The following CACNA1I variants were observed in gnomAD, a reference collection of about 807,000 sequenced individuals.
CACNA1I encodes calcium voltage-gated channel subunit alpha1 I.
In CACNA1I, 74 loss-of-function variants were observed where a neutral mutation model predicts 201.6. The ratio of observed to expected loss-of-function variants is 0.37; its 90% CI spans 0.30 to 0.45. The LOEUF is 0.45. Among genes scored for constraint, CACNA1I ranks in the 20% least tolerant of loss-of-function variants. CACNA1I has a pLI of 1.00. For synonymous variants in CACNA1I, 1,431 were observed against 1,345.2 expected (o/e 1.06, Z -1.40); for missense variants, 2,346 against 3,138.1 (o/e 0.75, Z 6.03).
chr22:39,627,866 G>A (rs1295386765), intron 4 of CACNA1I, among the ~76,000 whole-genome samples: 1 of 149,350 alleles, frequency 6.7e-6, no homozygotes, highest in Admixed American at 6.7e-5. Context: ...GGAAGAGAGG[G>A]AAGGAGGGAG....
intron 26 of CACNA1I, 108 bp downstream of exon 26, chr22:39,671,062 G>A: frequency 1.0e-6 from 1 of 1,003,064 alleles, no homozygotes; most frequent in African/African-American, 1.6e-5. Flanking sequence ...ATAGCAGGAT[G>A]TGAGCAGCCC....
At chr22:39,579,477 T>C (rs941276111) in intron 1 of CACNA1I, among the ~76,000 whole-genome samples, 2 of 152,164 alleles carry the variant, frequency 1.3e-5, no homozygotes, top group Non-Finnish European at 2.9e-5. Flanking sequence ...GGGTAGTTTA[T>C]AAAGAAGAGA....
At chr22:39,675,224 G>A (rs1935483510) in intron 29 of CACNA1I, among the ~76,000 whole-genome samples, 4 of 152,224 alleles carry the variant, frequency 2.6e-5, no homozygotes, top group Admixed American at 2.6e-4. Flanking sequence ...GCTCCCTCAA[G>A]CGCTTATTTC....
chr22:39,669,803 C>T (rs1569093449), intron 24 of CACNA1I, among the ~76,000 whole-genome samples: 2 of 152,108 alleles, frequency 1.3e-5, no homozygotes, highest in African/African-American at 4.8e-5. Flanking sequence ...ACAGATGTTT[C>T]CAGGAGGCAG....
chr22:39,668,153 C>A (rs1935253538), intron 23 of CACNA1I, 139 bp from the exon 24 acceptor site: 2 of 607,196 alleles, frequency 3.3e-6, no homozygotes, highest in Non-Finnish European at 3.0e-6. Context: ...TGGACGAGGG[C>A]ACAGCTCTGC....
chr22:39,650,714 T>G (rs1321301548), intron 10 of CACNA1I, among the ~76,000 whole-genome samples: 1 of 152,214 alleles, frequency 6.6e-6, no homozygotes, highest in East Asian at 1.9e-4. Flanking sequence ...GGTTGTCCTG[T>G]GTGTCCTCTC....
intron 5 of CACNA1I, among the ~76,000 whole-genome samples, chr22:39,639,048 C>T (rs1934291387): frequency 6.6e-6 from 1 of 152,204 alleles, no homozygotes; most frequent in South Asian, 2.1e-4. Flanking sequence ...ATAGTTACCT[C>T]TTATCTCCTT....
At position 39,661,130 on chromosome 22, in the gene CACNA1I, C is replaced by T. The variant is rs1424677551; in HGVS notation, c.2721C>T (p.Pro907=). Residue 907 remains proline, a synonymous_variant, in exon 16 of 37, where the codon CCC becomes CCT. Transcript: ENST00000402142. ...CAGATCCCAAGCTCTGCCCAATCCC[C>T]ATGACCCCCAATGGGCACCTGGACC... ...SSGDPKLCPI[P]MTPNGHLDPS... The T allele has an allele frequency of 1.9e-6, 3 of 1,613,350 alleles. No individual in the cohort carries two copies. Among genetic ancestry groups the T allele is most frequent in the African/African-American group, 1.3e-5 (1 of 74,922 alleles).
intron 10 of CACNA1I, 120 bp from the exon 11 acceptor site, chr22:39,658,032 G>A (rs1401361429): frequency 1.2e-5 from 12 of 983,006 alleles, no homozygotes; most frequent in Admixed American, 1.0e-4. Flanking sequence ...GTGGGGAGAC[G>A]GAGGTATGGT....
At chr22:39,683,683 G>A (rs1407514910) in intron 35 of CACNA1I, among the ~76,000 whole-genome samples, 1 of 152,166 alleles carries the variant, frequency 6.6e-6, no homozygotes, top group Non-Finnish European at 1.5e-5. Context: ...GGGACTGTGG[G>A]CAGAGGCTGC....
intron 1 of CACNA1I, among the ~76,000 whole-genome samples, chr22:39,594,725 A>C (rs2145820829): frequency 6.6e-6 from 1 of 152,098 alleles, no homozygotes; most frequent in South Asian, 2.1e-4. Context: ...ATCCCAGCTA[A>C]GGGCAAGGGC....
Position 39,676,916 on chromosome 22 carries a change from A to G in CACNA1I, c.4855-425A>G, listed in dbSNP as rs1569097618. ...AAGGCGTGTAGCATAGATTGTGTGC[A>G]TGGACCCTGGGGCCAGCCTGCTGGG... On this transcript the variant is annotated intron_variant, in intron 29 of 36. Coordinates refer to ENST00000402142, the MANE Select transcript of CACNA1I (RefSeq NM_021096.4). The surrounding 1 kb of genome is among the most constrained non-coding windows in gnomAD (Gnocchi z 4.8). 6.6e-6 allele frequency among the ~76,000 whole-genome samples: 1 copy of G among 152,194 alleles called. No individual in the cohort carries two copies. Among genetic ancestry groups the G allele is most frequent in the Non-Finnish European group, 1.5e-5 (1 of 68,040 alleles).
intron 1 of CACNA1I, among the ~76,000 whole-genome samples, chr22:39,579,706 G>A (rs559271323): frequency 1.3e-5 from 2 of 151,888 alleles, no homozygotes; most frequent in East Asian, 3.9e-4. Flanking sequence ...GAGTGCCATG[G>A]CGCGATCTCT....
chr22:39,667,221 G>A (rs546615583), intron 23 of CACNA1I, among the ~76,000 whole-genome samples: 1 of 152,350 alleles, frequency 6.6e-6, no homozygotes, highest in East Asian at 1.9e-4. Context: ...GCCCTTGGCA[G>A]GGGGTCTTCC....
Position 39,659,215 on chromosome 22 carries a change from C to G in CACNA1I, c.2330+99C>G. On this transcript the variant is annotated intron_variant, in intron 12 of 36. Coordinates refer to ENST00000402142, the MANE Select transcript of CACNA1I (RefSeq NM_021096.4). The surrounding 1 kb of genome is among the most constrained non-coding windows in gnomAD (Gnocchi z 4.3). ...CACTGTGCTTCTCTGGACAAAGCCA[C>G]CTGGACCTGGGTGTGAAGCCTGACA... The G allele has an allele frequency of 7.0e-7, 1 of 1,434,196 alleles. No individual in the cohort carries two copies. The highest frequency in any genetic ancestry group is 1.9e-5 in the Admixed American group (1 of 52,160). The allele number at this position is 1,434,196 out of a possible 1,614,324, so 88.8% of individuals were successfully genotyped here.
intron 4 of CACNA1I, among the ~76,000 whole-genome samples, chr22:39,628,339 G>A (rs1185403288): frequency 6.6e-6 from 1 of 152,164 alleles, no homozygotes; most frequent in Non-Finnish European, 1.5e-5. Flanking sequence ...TCGGGGCAGG[G>A]GCTGATGGGA....
chr22:39,677,348 A>T lies in CACNA1I; in HGVS notation c.4862A>T (p.Asn1621Ile). 2 of 1,594,984 alleles carry T rather than the reference A, an allele frequency of 1.3e-6. No homozygotes were observed. The highest frequency in any genetic ancestry group is 1.7e-6 in the Non-Finnish European group (2 of 1,173,784). The change falls in exon 30 of 37, where the codon AAC becomes ATC. Residue 1621 changes from asparagine to isoleucine, a missense_variant. Asn to Ile is a moderately radical substitution (Grantham distance 149, BLOSUM62 -3). Coordinates refer to ENST00000402142, the MANE Select transcript of CACNA1I (RefSeq NM_021096.4). The surrounding 1 kb of genome is among the most constrained non-coding windows in gnomAD (Gnocchi z 4.8). The stretch of plus-strand genomic sequence containing the variant: ...TCACCTGTCCTCCCGCAGGTGGGCA[A>T]CCTGGGCCTCCTCTTCATGCTGCTC... ...TVVQALPQVG[N>I]LGLLFMLLFF... is the part of the protein sequence containing the mutation.
Position 39,648,080 on chromosome 22 carries a change from G to T in CACNA1I, c.1567+154G>T, listed in dbSNP as rs1934544670. On this transcript the variant is annotated intron_variant, in intron 9 of 36. Coordinates refer to ENST00000402142, the MANE Select transcript of CACNA1I (RefSeq NM_021096.4). This position sits in a 1 kb window ranked among gnomAD's most constrained non-coding sequence, Gnocchi z 5.4. The stretch of plus-strand genomic sequence containing the variant: ...CTCCCTCTATAAAGTGAGGACAGGG[G>T]CCCCCAGCACGTGGCCGTCCACGGC... 3.0e-6 allele frequency: 2 copies of T among 671,810 alleles called. No homozygotes were observed. The highest frequency in any genetic ancestry group is 5.5e-5 in the East Asian group (2 of 36,406). The allele number at this position is 671,810 out of a possible 1,614,324, so 41.6% of individuals were successfully genotyped here.
At chr22:39,652,319 G>A (rs1934676665) in intron 10 of CACNA1I, among the ~76,000 whole-genome samples, 1 of 152,202 alleles carries the variant, frequency 6.6e-6, no homozygotes, top group Non-Finnish European at 1.5e-5. Flanking sequence ...TCTGGGAGCA[G>A]CAGGCTTCAC....
Sources: allele counts gnomAD v4.1 joint callset (sites outside exome capture counted in the v4.1 genomes callset), GRCh38; gene constraint gnomAD v4.1.1; non-coding constraint Gnocchi (gnomAD v3.1); transcripts MANE v1.5; gene names NCBI Gene and HGNC (gene_info 2026-07-23, HGNC 2026-07-21).